The following DLG2 variants were observed in gnomAD, a reference collection of about 807,000 sequenced individuals.
DLG2 encodes discs large MAGUK scaffold protein 2, also known as disks large homolog 2.
Under a neutral mutation model 132.5 loss-of-function variants are expected in DLG2, and 45 were observed. The observed-to-expected ratio is 0.34, with a 90% CI of 0.27 to 0.44. The LOEUF is 0.44. Among genes scored for constraint, DLG2 ranks in the 20% least tolerant of loss-of-function variants. The pLI, the probability that DLG2 is intolerant of heterozygous loss-of-function variation, is 1.00. For missense variants in DLG2, 1,045 were observed against 1,196.9 expected, an observed-to-expected ratio of 0.87 and a Z score of 1.87; for synonymous variants, 424 against 419.6, an observed-to-expected ratio of 1.01 and a Z score of -0.13.
intron 7 of DLG2, among the ~76,000 whole-genome samples, chr11:84,516,161 C>A (rs2099272311): frequency 6.7e-6 from 1 of 150,132 alleles, no homozygotes; most frequent in Non-Finnish European, 1.5e-5. Context: ...ACCTAATACA[C>A]CTCAATGAAC....
At chr11:83,619,599 A>G (rs1318543091) in intron 19 of DLG2, among the ~76,000 whole-genome samples, 1 of 152,144 alleles carries the variant, frequency 6.6e-6, no homozygotes, top group Non-Finnish European at 1.5e-5. Context: ...CCAGCTCCTC[A>G]TCCTCAGGAT....
At chr11:84,850,594 A>C (rs961363839) in intron 6 of DLG2, among the ~76,000 whole-genome samples, 5 of 152,156 alleles carry the variant, frequency 3.3e-5, no homozygotes, top group African/African-American at 1.2e-4. Context: ...ATCTGGATTG[A>C]AAAGGATGAA....
At chr11:84,066,669 G>C (rs1399840325) in intron 10 of DLG2, among the ~76,000 whole-genome samples, 1 of 152,254 alleles carries the variant, frequency 6.6e-6, no homozygotes, top group East Asian at 1.9e-4. Context: ...GCTGAGGCAG[G>C]AGAATCGCTT....
At chr11:84,972,100 A>G (rs1297873097) in intron 6 of DLG2, among the ~76,000 whole-genome samples, 1 of 152,040 alleles carries the variant, frequency 6.6e-6, no homozygotes, top group East Asian at 1.9e-4. Flanking sequence ...ACACACACAC[A>G]CTGTTTTAAA....
intron 7 of DLG2, among the ~76,000 whole-genome samples, chr11:84,360,515 A>G (rs2098643493): frequency 6.6e-6 from 1 of 152,014 alleles, no homozygotes; most frequent in Non-Finnish European, 1.5e-5. Context: ...CATGAGAGAA[A>G]GGAAATAAAT....
At chr11:85,197,147 G>T (rs1480193745) in intron 4 of DLG2, among the ~76,000 whole-genome samples, 5 of 152,178 alleles carry the variant, frequency 3.3e-5, no homozygotes, top group Non-Finnish European at 7.4e-5. Context: ...CAATCAGAGA[G>T]CTATATAATT....
chr11:84,860,334 A>C (rs892457479), intron 6 of DLG2, among the ~76,000 whole-genome samples: 1 of 152,096 alleles, frequency 6.6e-6, no homozygotes, highest in Non-Finnish European at 1.5e-5. Context: ...CACTAATCCC[A>C]GTGGGGACAA....
At chr11:83,898,499 T>C (rs2072434486) in intron 15 of DLG2, among the ~76,000 whole-genome samples, 1 of 152,074 alleles carries the variant, frequency 6.6e-6, no homozygotes, top group Non-Finnish European at 1.5e-5. Flanking sequence ...TGGAGACTTT[T>C]TCTTTTAAAT....
intron 6 of DLG2, among the ~76,000 whole-genome samples, chr11:85,108,077 A>G (rs116547800): frequency 8.3e-4 from 126 of 152,072 alleles, no homozygotes; most frequent in African/African-American, 3.0e-3. Flanking sequence ...TTTCAAGGCA[A>G]TATGTAACTG....
intron 4 of DLG2, among the ~76,000 whole-genome samples, chr11:85,207,290 A>G (rs1190098959): frequency 6.6e-6 from 1 of 152,174 alleles, no homozygotes; most frequent in African/African-American, 2.4e-5. Context: ...CCAAAGGCAC[A>G]ATTGTGAAGC....
At chr11:85,081,755 T>C (rs1222848418) in intron 6 of DLG2, among the ~76,000 whole-genome samples, 2 of 152,152 alleles carry the variant, frequency 1.3e-5, no homozygotes, top group African/African-American at 4.8e-5. Flanking sequence ...CCTCCAATAT[T>C]CCATTATTCT....
chr11:83,601,550 CGCCCAAGCTGGAGTGCAGTG>C (rs1174112718), intron 19 of DLG2, among the ~76,000 whole-genome samples: 24 of 112,172 alleles, frequency 2.1e-4, no homozygotes, highest in African/African-American at 8.0e-4. Flanking sequence ...CTCACTCTGT[CGCCCAAGCTGGAGTGCAGTG>C]GTGCGATCTC....
At chr11:84,999,944 T>A (rs184319049) in intron 6 of DLG2, among the ~76,000 whole-genome samples, 1 of 152,188 alleles carries the variant, frequency 6.6e-6, no homozygotes, top group Non-Finnish European at 1.5e-5. Context: ...AATTCAAGAA[T>A]TTATTCACAT....
chr11:84,453,773 A>C (rs373429950), intron 7 of DLG2, among the ~76,000 whole-genome samples: 2 of 151,700 alleles, frequency 1.3e-5, no homozygotes, highest in East Asian at 1.9e-4. Flanking sequence ...CACATTCCGC[A>C]TGCAAGCCAA....
intron 6 of DLG2, among the ~76,000 whole-genome samples, chr11:84,902,759 G>A (rs190204074): frequency 1.2e-3 from 188 of 152,182 alleles, no homozygotes; most frequent in African/African-American, 4.4e-3. Flanking sequence ...CTCAACACGT[G>A]CAAACTGTTA....
intron 19 of DLG2, among the ~76,000 whole-genome samples, chr11:83,545,611 G>A (rs943631797): frequency 6.6e-6 from 1 of 152,052 alleles, no homozygotes; most frequent in Non-Finnish European, 1.5e-5. Context: ...GTGGGGGTGG[G>A]ACTATTCCTG....
intron 3 of DLG2, among the ~76,000 whole-genome samples, chr11:85,474,144 C>A (rs1489744103): frequency 1.3e-5 from 2 of 151,618 alleles, no homozygotes; most frequent in African/African-American, 2.4e-5. Flanking sequence ...AAAAATTAAC[C>A]AAAATAGTTA....
rs147221210 is a variant in DLG2, at chr11:84,390,543, C to G, written c.520-139252G>C. Among the ~76,000 whole-genome samples the G allele has an allele frequency of 5.4e-3, 819 of 152,140 alleles. 16 individuals are homozygous for G. The highest frequency in any genetic ancestry group is 0.018 in the African/African-American group (753 of 41,524). On this transcript the variant is annotated intron_variant, in intron 7 of 27. Coordinates refer to ENST00000376104, the MANE Select transcript of DLG2 (RefSeq NM_001142699.3). Reference sequence around the variant, plus strand: ...AGGTCAGGAAAAACTGTATGAGTTTCGAATGGCAAGGAGACCGCAGGTGGT... The same window carrying G: ...AGGTCAGGAAAAACTGTATGAGTTTGGAATGGCAAGGAGACCGCAGGTGGT...
intron 6 of DLG2, among the ~76,000 whole-genome samples, chr11:85,015,621 G>T (rs897229986): frequency 6.6e-6 from 1 of 152,014 alleles, no homozygotes; most frequent in African/African-American, 2.4e-5. Flanking sequence ...AAGATGAAAA[G>T]AACACAATTT....
Sources: allele counts gnomAD v4.1 joint callset (sites outside exome capture counted in the v4.1 genomes callset), GRCh38; gene constraint gnomAD v4.1.1; transcripts MANE v1.5; gene names NCBI Gene and HGNC (gene_info 2026-07-23, HGNC 2026-07-21).